The following DPP6 variants were observed in gnomAD, a reference collection of about 807,000 sequenced individuals.
DPP6 encodes the protein A-type potassium channel modulatory protein DPP6.
DPP6 carries 69 observed loss-of-function variants against 122.6 expected under a neutral mutation model. The ratio of observed to expected loss-of-function variants is 0.56; its 90% CI spans 0.46 to 0.69. The LOEUF (loss-of-function observed/expected upper bound fraction) is 0.69. Among genes scored for constraint, DPP6 ranks in the 30% least tolerant of loss-of-function variants. DPP6 has a pLI of 0.00. For synonymous variants in DPP6, 418 were observed against 433.1 expected (o/e 0.97, Z 0.43); for missense variants, 928 against 1,116.9 (o/e 0.83, Z 2.41).
At chr7:153,767,344 G>C in the DPP6 span, among the ~76,000 whole-genome samples, 67,188 of 151,796 alleles carry the variant, frequency 0.44, 15,163 homozygotes, top group South Asian at 0.54. Flanking sequence ...TTATGTGTTA[G>C]CCAACTTTCA....
chr7:154,634,000 CTT>C (rs57061045), intron 5 of DPP6, among the ~76,000 whole-genome samples: 9 of 142,802 alleles, frequency 6.3e-5, no homozygotes, highest in African/African-American at 2.0e-4. Context: ...TTCAGCCTTT[CTT>C]TTTTTTTTCT....
rs534711459 is a variant in DPP6, at chr7:154,834,249, C to T, written c.1667-19531C>T. The stretch of plus-strand genomic sequence containing the variant: ...TTGGGAGGCCGAGGCAGGCGGATCC[C>T]CTTAAGTCAGGAGTTCAAGACCAGC... On this transcript the variant is annotated intron_variant, in intron 16 of 25. Coordinates refer to ENST00000377770, the MANE Select transcript of DPP6 (RefSeq NM_130797.4). Among the ~76,000 whole-genome samples the T allele has an allele frequency of 2.6e-4, 39 of 150,112 alleles. 3 individuals are homozygous for T. The East Asian group carries it at 7.7e-3, about 30-fold the overall frequency.
chr7:154,029,662 T>C (rs1799127329), intron 1 of DPP6, among the ~76,000 whole-genome samples: 3 of 144,756 alleles, frequency 2.1e-5, no homozygotes, highest in Admixed American at 7.0e-5. Flanking sequence ...CTGGCTAACA[T>C]GGTGAAACCC....
At chr7:154,168,145 C>T (rs934566102) in intron 1 of DPP6, among the ~76,000 whole-genome samples, 4 of 152,226 alleles carry the variant, frequency 2.6e-5, no homozygotes, top group Admixed American at 6.5e-5. Flanking sequence ...TCCACTCTCT[C>T]TCCAGAGGTT....
chr7:154,837,404 A>G (rs1382230668), intron 16 of DPP6, among the ~76,000 whole-genome samples: 1 of 152,166 alleles, frequency 6.6e-6, no homozygotes, highest in African/African-American at 2.4e-5. Context: ...GCATACATGC[A>G]TGTTCACACG....
intron 1 of DPP6, among the ~76,000 whole-genome samples, chr7:154,004,298 C>T (rs562896343): frequency 6.6e-6 from 1 of 152,338 alleles, no homozygotes; most frequent in East Asian, 1.9e-4. Context: ...CCTGCTACTT[C>T]CTGGGTTCAT....
chr7:154,004,354 C>T (rs1177728986), intron 1 of DPP6, among the ~76,000 whole-genome samples: 2 of 152,158 alleles, frequency 1.3e-5, no homozygotes, highest in African/African-American at 2.4e-5. Flanking sequence ...GTAATCACTT[C>T]GTGTCAGGAA....
At position 154,892,524 on chromosome 7, in the gene DPP6, GA is replaced by G; in HGVS notation, c.*45del. ...ACAAACGTGGCTCTTTCTACAACCA[GA>G]TGCAACCGAGGGATTTCCCTGCCCT... On this transcript the variant is annotated 3_prime_UTR_variant, in exon 26 of 26. Coordinates refer to ENST00000377770, the MANE Select transcript of DPP6 (RefSeq NM_130797.4). 6.6e-7 allele frequency: 1 copy of G among 1,521,888 alleles called. No individual in the cohort carries two copies. Among genetic ancestry groups the G allele is most frequent in the Non-Finnish European group, 8.9e-7 (1 of 1,122,222 alleles). 94.3% of individuals were successfully genotyped at this position (1,521,888 alleles called of 1,614,324 possible). A position where few individuals can be genotyped will look rare whatever the true frequency, so the allele number is the denominator to read the frequency against.
chr7:154,846,067 C>G (rs920400830), intron 16 of DPP6, among the ~76,000 whole-genome samples: 2 of 151,756 alleles, frequency 1.3e-5, no homozygotes, highest in African/African-American at 4.8e-5. Context: ...GGATGAGTCT[C>G]GGCCAACAGC....
chr7:154,646,090 A>G (rs1456535704), intron 6 of DPP6, among the ~76,000 whole-genome samples: 6 of 151,668 alleles, frequency 4.0e-5, no homozygotes, highest in Non-Finnish European at 7.4e-5. Context: ...AAGACCTTCC[A>G]TAATATGGCC....
At chr7:153,819,077 C>CTTTTTTTTTTT in the DPP6 span, among the ~76,000 whole-genome samples, 4 of 99,880 alleles carry the variant, frequency 4.0e-5, no homozygotes, top group East Asian at 2.9e-4. Flanking sequence ...CTTTTCTTTT[C>CTTTTTTTTTTT]TTTTTTTTTT....
intron 15 of DPP6, among the ~76,000 whole-genome samples, chr7:154,805,774 G>A (rs1386243813): frequency 6.6e-6 from 1 of 152,176 alleles, no homozygotes; most frequent in African/African-American, 2.4e-5. Flanking sequence ...GTTGTGAAGT[G>A]AGATTAGCCC....
chr7:153,963,985 G>A (rs1372413657), intron 1 of DPP6, among the ~76,000 whole-genome samples: 2 of 152,102 alleles, frequency 1.3e-5, no homozygotes, highest in Non-Finnish European at 2.9e-5. Context: ...TGACTTTCAG[G>A]TCTTTTTACC....
At chr7:154,582,789 C>G (rs1224738180) in intron 5 of DPP6, among the ~76,000 whole-genome samples, 1 of 152,254 alleles carries the variant, frequency 6.6e-6, no homozygotes, top group Non-Finnish European at 1.5e-5. Context: ...ACTCACCTCT[C>G]TGTCCCCTCC....
At chr7:153,965,377 A>G (rs1795645667) in intron 1 of DPP6, among the ~76,000 whole-genome samples, 1 of 152,036 alleles carries the variant, frequency 6.6e-6, no homozygotes, top group Admixed American at 6.6e-5. Context: ...GTTCCTCCTT[A>G]GGCAGCGCTC....
intron 10 of DPP6, among the ~76,000 whole-genome samples, chr7:154,776,937 C>G (rs138888328): frequency 5.3e-5 from 8 of 152,314 alleles, no homozygotes; most frequent in Non-Finnish European, 1.2e-4. Flanking sequence ...GGCTAGCTCA[C>G]GAACCAAGAG....
At chr7:154,586,108 G>A (rs745351831) in intron 5 of DPP6, among the ~76,000 whole-genome samples, 4 of 152,068 alleles carry the variant, frequency 2.6e-5, no homozygotes, top group East Asian at 1.9e-4. Context: ...GTGGGGCTGA[G>A]TGTCTGGAGT....
chr7:154,189,086 G>A (rs932693102), intron 1 of DPP6, among the ~76,000 whole-genome samples: 3 of 152,122 alleles, frequency 2.0e-5, no homozygotes, highest in African/African-American at 7.2e-5. Flanking sequence ...GCGTTCTGTG[G>A]GTCTCCCTGA....
At chr7:154,015,630 C>T (rs1798368573) in intron 1 of DPP6, among the ~76,000 whole-genome samples, 2 of 152,130 alleles carry the variant, frequency 1.3e-5, no homozygotes, top group South Asian at 2.1e-4. Flanking sequence ...CTGGAGTTGT[C>T]GTTCGTTCAC....
Sources: allele counts gnomAD v4.1 joint callset (sites outside exome capture counted in the v4.1 genomes callset), GRCh38; gene constraint gnomAD v4.1.1; transcripts MANE v1.5; gene names NCBI Gene and HGNC (gene_info 2026-07-23, HGNC 2026-07-21).